RANBP2: variants seen among roughly 807,000 people sequenced by gnomAD.
RANBP2 encodes the protein E3 SUMO-protein ligase RanBP2.
In RANBP2, 57 loss-of-function variants were observed where a neutral mutation model predicts 303.6. That is an observed-to-expected ratio of 0.19 (90% CI 0.15 to 0.23). RANBP2 has a LOEUF of 0.23. Among genes scored for constraint, RANBP2 ranks in the 10% least tolerant of loss-of-function variants. The pLI, the probability that RANBP2 is intolerant of heterozygous loss-of-function variation, is 1.00. For synonymous variants in RANBP2, 1,167 were observed against 1,301.5 expected (o/e 0.90, Z 2.23); for missense variants, 3,138 against 3,780.8 (o/e 0.83, Z 4.46).
At chr2:109,096,799 G>A in the RANBP2 span, among the ~76,000 whole-genome samples, 49 of 139,652 alleles carry the variant, frequency 3.5e-4, no homozygotes, top group Non-Finnish European at 5.8e-4. Context: ...TTTTGGAAAC[G>A]CTTTTTTTTT....
the RANBP2 span, among the ~76,000 whole-genome samples, chr2:108,887,511 G>A: frequency 6.6e-6 from 1 of 152,050 alleles, no homozygotes; most frequent in Non-Finnish European, 1.5e-5. Flanking sequence ...ATGAGCATGG[G>A]ACCTTTTTCC....
the RANBP2 span, among the ~76,000 whole-genome samples, chr2:109,459,754 C>T: frequency 0.044 from 6,711 of 152,212 alleles, 445 homozygotes; most frequent in African/African-American, 0.14. Context: ...CTGGTGGCAA[C>T]ATTCCTCCCC....
the RANBP2 span, among the ~76,000 whole-genome samples, chr2:109,231,491 T>C: frequency 0.013 from 1,934 of 152,320 alleles, 20 homozygotes; most frequent in South Asian, 0.024. Flanking sequence ...TAAATTTTTT[T>C]CCAGAAACAT....
the RANBP2 span, among the ~76,000 whole-genome samples, chr2:109,134,119 A>G: frequency 1.5e-4 from 23 of 152,182 alleles, no homozygotes; most frequent in Admixed American, 1.5e-3. Flanking sequence ...GGGCACTTTG[A>G]CATATATCAC....
At chr2:109,562,752 G>C in the RANBP2 span, among the ~76,000 whole-genome samples, 1 of 152,108 alleles carries the variant, frequency 6.6e-6, no homozygotes, top group Non-Finnish European at 1.5e-5. Flanking sequence ...AATGAGAAGT[G>C]AGTCTCCTCT....
chr2:109,004,758 T>C, the RANBP2 span, among the ~76,000 whole-genome samples: 7 of 152,230 alleles, frequency 4.6e-5, no homozygotes, highest in African/African-American at 1.4e-4. Flanking sequence ...GCTTTCTTCA[T>C]TCCCCACTAG....
chr2:109,226,363 G>A, the RANBP2 span, among the ~76,000 whole-genome samples: 1 of 152,264 alleles, frequency 6.6e-6, no homozygotes, highest in South Asian at 2.1e-4. Flanking sequence ...ACTCAGGAAG[G>A]TCAGCTGTTT....
the RANBP2 span, among the ~76,000 whole-genome samples, chr2:109,061,713 G>T: frequency 1.1e-3 from 163 of 152,224 alleles, no homozygotes; most frequent in South Asian, 7.1e-3. Flanking sequence ...AAAAGATTAT[G>T]GGAGAGTGTA....
the RANBP2 span, among the ~76,000 whole-genome samples, chr2:109,174,108 T>A: frequency 6.6e-6 from 1 of 152,334 alleles, no homozygotes; most frequent in Admixed American, 6.5e-5. Context: ...CCCAGTGGCT[T>A]CAGGACAGCA....
the RANBP2 span, chr2:109,141,463 T>G: frequency 6.5e-6 from 1 of 154,550 alleles, no homozygotes; most frequent in Non-Finnish European, 1.5e-5. Flanking sequence ...CTGCAGCACC[T>G]AGGCACATGC....
the RANBP2 span, among the ~76,000 whole-genome samples, chr2:109,252,216 C>T: frequency 2.6e-5 from 4 of 150,988 alleles, no homozygotes; most frequent in Non-Finnish European, 4.4e-5. Flanking sequence ...CCACTGCGCT[C>T]CAGCCCAGGT....
At chr2:109,671,086 C>G in the RANBP2 span, among the ~76,000 whole-genome samples, 1 of 152,320 alleles carries the variant, frequency 6.6e-6, no homozygotes, top group East Asian at 1.9e-4. Context: ...CAAGGTGATG[C>G]TGTAACGCTA....
the RANBP2 span, among the ~76,000 whole-genome samples, chr2:109,325,664 A>G: frequency 2.6e-5 from 4 of 152,154 alleles, no homozygotes; most frequent in Non-Finnish European, 5.9e-5. Flanking sequence ...ACTGATCGCT[A>G]GAAGGTTCTT....
the RANBP2 span, among the ~76,000 whole-genome samples, chr2:108,970,407 A>C: frequency 6.6e-6 from 1 of 152,158 alleles, no homozygotes; most frequent in East Asian, 1.9e-4. Flanking sequence ...TTCACCTAGG[A>C]GTCTGTTTCA....
the RANBP2 span, among the ~76,000 whole-genome samples, chr2:109,634,351 T>TA: frequency 6.6e-6 from 1 of 151,472 alleles, no homozygotes; most frequent in Non-Finnish European, 1.5e-5. Context: ...GAGAAGACAT[T>TA]AAAAAAAGCC....
chr2:108,751,063 T>G (rs952103633), intron 9 of RANBP2, among the ~76,000 whole-genome samples: 2 of 152,202 alleles, frequency 1.3e-5, no homozygotes, highest in Admixed American at 6.5e-5. Flanking sequence ...CTATTTTTAT[T>G]AAAATTTCTA....
the RANBP2 span, among the ~76,000 whole-genome samples, chr2:109,497,939 G>A: frequency 1.2e-4 from 19 of 152,328 alleles, 1 homozygote; most frequent in Non-Finnish European, 4.4e-5. Context: ...GGAGGAGCAG[G>A]TGTTTGGAAG....
the RANBP2 span, among the ~76,000 whole-genome samples, chr2:109,008,774 C>T: frequency 2.0e-5 from 3 of 150,860 alleles, no homozygotes; most frequent in East Asian, 2.0e-4. Flanking sequence ...TGGTGGCGGG[C>T]GCCTGTAGTC....
chr2:108,748,843 G>T lies in RANBP2; in HGVS notation c.1064-77G>T, dbSNP rs1003233688. The stretch of plus-strand genomic sequence containing the variant: ...AGTAATCATGTTATTTCCCCTTTGG[G>T]TATACAAATGAGACAACGTGAGCAA... On this transcript the variant is annotated intron_variant, in intron 8 of 28. Coordinates refer to ENST00000283195, the MANE Select transcript of RANBP2 (RefSeq NM_006267.5). The T allele has an allele frequency of 1.6e-5, 26 of 1,611,012 alleles. No homozygotes were observed. The African/African-American group carries it at 2.8e-4, about 17-fold the overall frequency.
Sources: allele counts gnomAD v4.1 joint callset (sites outside exome capture counted in the v4.1 genomes callset), GRCh38; gene constraint gnomAD v4.1.1; transcripts MANE v1.5; gene names NCBI Gene and HGNC (gene_info 2026-07-23, HGNC 2026-07-21).